Variants in CSMD1 observed in about 807,000 individuals in gnomAD.
CSMD1 encodes CUB and sushi domain-containing protein 1.
Under a neutral mutation model 417.5 loss-of-function variants are expected in CSMD1, and 213 were observed. That is an observed-to-expected ratio of 0.51 (90% CI 0.46 to 0.57). The LOEUF (loss-of-function observed/expected upper bound fraction) is 0.57, where lower values mean the gene tolerates loss of function less well. Ranked by LOEUF, CSMD1 falls within the 20% of genes least tolerant of loss-of-function variation. CSMD1 has a pLI of 0.00. For missense variants in CSMD1, 6,923 were observed against 4,529.7 expected (o/e 1.53, Z -15.17); for synonymous variants, 2,862 against 1,736.8 (o/e 1.65, Z -16.11).
chr8:4,860,335 G>C (rs900770392), intron 1 of CSMD1, among the ~76,000 whole-genome samples: 1 of 151,028 alleles, frequency 6.6e-6, no homozygotes, highest in Non-Finnish European at 1.5e-5. Flanking sequence ...TGGGTGCAGC[G>C]TACCAGCATG....
At chr8:4,307,286 A>G (rs953553506) in intron 3 of CSMD1, among the ~76,000 whole-genome samples, 18 of 151,994 alleles carry the variant, frequency 1.2e-4, no homozygotes, top group Admixed American at 9.2e-4. Flanking sequence ...TCTCTCACAT[A>G]TATATATTAA....
chr8:4,228,859 T>C (rs1427233504), intron 3 of CSMD1, among the ~76,000 whole-genome samples: 1 of 151,988 alleles, frequency 6.6e-6, no homozygotes, highest in Non-Finnish European at 1.5e-5. Flanking sequence ...TTTTTGTATT[T>C]TTAGTAGAGA....
intron 5 of CSMD1, among the ~76,000 whole-genome samples, chr8:3,925,110 G>C (rs891530428): frequency 6.6e-6 from 1 of 152,158 alleles, no homozygotes; most frequent in Admixed American, 6.5e-5. Context: ...TTACCAGTCA[G>C]TAAAGAGAGC....
chr8:3,519,741 T>C (rs956548498), intron 10 of CSMD1, among the ~76,000 whole-genome samples: 1 of 152,164 alleles, frequency 6.6e-6, no homozygotes, highest in Non-Finnish European at 1.5e-5. Flanking sequence ...TTTTCTGTGA[T>C]ATGTGTAAAG....
At chr8:2,964,089 T>TGAAGGA in intron 59 of CSMD1, among the ~76,000 whole-genome samples, 1 of 152,178 alleles carries the variant, frequency 6.6e-6, no homozygotes, top group Non-Finnish European at 1.5e-5. Context: ...CAAAAACCAC[T>TGAAGGA]GTCTAAAATC....
chr8:3,984,394 C>G (rs1814148165), intron 5 of CSMD1, among the ~76,000 whole-genome samples: 1 of 152,008 alleles, frequency 6.6e-6, no homozygotes, highest in African/African-American at 2.4e-5. Context: ...CTTTTCAATT[C>G]TAAACTGGTG....
At chr8:3,968,135 C>T (rs1812815213) in intron 5 of CSMD1, among the ~76,000 whole-genome samples, 1 of 151,812 alleles carries the variant, frequency 6.6e-6, no homozygotes, top group South Asian at 2.1e-4. Context: ...TGCAGTGAGC[C>T]GAGATCGACC....
chr8:4,143,221 G>C (rs759384316), intron 3 of CSMD1, among the ~76,000 whole-genome samples: 2 of 151,164 alleles, frequency 1.3e-5, no homozygotes, highest in Non-Finnish European at 2.9e-5. Flanking sequence ...GAACGGTGTG[G>C]TCTAAACCCT....
chr8:3,632,570 T>G (rs1426920757), intron 7 of CSMD1, among the ~76,000 whole-genome samples: 1 of 152,174 alleles, frequency 6.6e-6, no homozygotes. Flanking sequence ...TTTAAAAAAT[T>G]GCATAAAGAT....
intron 3 of CSMD1, among the ~76,000 whole-genome samples, chr8:4,279,131 T>A (rs532852566): frequency 4.3e-4 from 66 of 152,312 alleles, no homozygotes; most frequent in African/African-American, 1.3e-3. Context: ...CTTCTGAGCA[T>A]CTCCGTTTAG....
intron 8 of CSMD1, 21 bp downstream of exon 8, chr8:3,616,689 C>T (rs959498447): frequency 4.1e-6 from 6 of 1,467,810 alleles, no homozygotes; most frequent in South Asian, 1.2e-5. Context: ...TGCTTTTTTC[C>T]ACCACTATTG....
At chr8:4,877,799 T>A (rs1479753716) in intron 1 of CSMD1, among the ~76,000 whole-genome samples, 3 of 152,170 alleles carry the variant, frequency 2.0e-5, no homozygotes, top group Non-Finnish European at 4.4e-5. Flanking sequence ...ATTTGGTGAC[T>A]CAAATCTTTT....
intron 5 of CSMD1, among the ~76,000 whole-genome samples, chr8:3,863,694 C>T (rs796200201): frequency 4.6e-5 from 7 of 152,020 alleles, no homozygotes; most frequent in African/African-American, 1.7e-4. Context: ...GCTCAGTGAA[C>T]AAAAGAATAA....
intron 6 of CSMD1, among the ~76,000 whole-genome samples, chr8:3,712,841 G>C (rs1447034590): frequency 6.6e-6 from 1 of 152,124 alleles, no homozygotes; most frequent in Non-Finnish European, 1.5e-5. Context: ...GTCTACAGAG[G>C]CCAGGGCTGG....
chr8:4,071,194 C>G (rs189736792), intron 3 of CSMD1, among the ~76,000 whole-genome samples: 40 of 151,838 alleles, frequency 2.6e-4, no homozygotes, highest in Non-Finnish European at 4.4e-4. Flanking sequence ...TATTCTCCCT[C>G]TCTTTCTCCT....
chr8:4,552,024 G>C (rs1036178809), intron 2 of CSMD1, among the ~76,000 whole-genome samples: 6 of 152,038 alleles, frequency 3.9e-5, no homozygotes, highest in Non-Finnish European at 8.8e-5. Context: ...TCTAGAAGTA[G>C]CTTTAACAGT....
chr8:4,006,459 G>A lies in CSMD1; in HGVS notation c.611-8349C>T, dbSNP rs549440965. ...CTTGGGAGGCTGAGGCCGAAGAATC[G>A]CTTGAACTTGGGAGGCAGAGGTTGC... On this transcript the variant is annotated intron_variant, in intron 4 of 69. Transcript: ENST00000635120. Among the ~76,000 whole-genome samples the A allele has an allele frequency of 1.6e-4, 25 of 152,218 alleles. No homozygotes were observed. In the East Asian group the frequency reaches 2.1e-3, roughly 13 times the overall value.
chr8:4,304,492 C>T (rs1365426410), intron 3 of CSMD1, among the ~76,000 whole-genome samples: 1 of 152,184 alleles, frequency 6.6e-6, no homozygotes, highest in Non-Finnish European at 1.5e-5. Flanking sequence ...CATCCTGACA[C>T]AAACGTAAGC....
At chr8:4,311,896 C>T (rs978931373) in intron 3 of CSMD1, among the ~76,000 whole-genome samples, 2 of 151,936 alleles carry the variant, frequency 1.3e-5, no homozygotes, top group African/African-American at 4.8e-5. Context: ...ATAATACATG[C>T]AACGAACCCC....
Sources: gnomAD v4.1 joint callset for allele counts (sites outside exome capture counted in the v4.1 genomes callset) on GRCh38, gnomAD v4.1.1 for gene constraint, MANE v1.5 for transcripts, NCBI Gene and HGNC (gene_info 2026-07-23, HGNC 2026-07-21) for gene names.